DDX6: variants seen among roughly 807,000 people sequenced by gnomAD.
DDX6 encodes the protein DEAD-box helicase 6, also known as probable ATP-dependent RNA helicase DDX6.
DDX6 carries 7 observed loss-of-function variants against 60.6 expected under a neutral mutation model. That is an observed-to-expected ratio of 0.12 (90% CI 0.07 to 0.22). The LOEUF (loss-of-function observed/expected upper bound fraction) is 0.22, where lower values mean the gene tolerates loss of function less well. Among genes scored for constraint, DDX6 ranks in the 10% least tolerant of loss-of-function variants. DDX6 has a pLI of 1.00. For missense variants in DDX6, 270 were observed against 589.9 expected (o/e 0.46, Z 5.62); for synonymous variants, 207 against 201.0 (o/e 1.03, Z -0.25).
At position 118,749,934 on chromosome 11, in the gene DDX6, G is replaced by A. The variant is rs1322265553; in HGVS notation, c.*2171C>T. The A allele has an allele frequency of 2.0e-5, 3 of 152,598 alleles. No individual in the cohort carries two copies. Among genetic ancestry groups the A allele is most frequent in the Non-Finnish European group, 4.4e-5 (3 of 68,044 alleles). The allele number at this position is 152,598 out of a possible 1,614,324, so 9.5% of individuals were successfully genotyped here. A position where few individuals can be genotyped will look rare whatever the true frequency, so the allele number is the denominator to read the frequency against. On this transcript the variant is annotated 3_prime_UTR_variant, in exon 14 of 14. Transcript: ENST00000534980. Reference sequence around the variant, plus strand: ...TTCTTTTTTGGGTTTGTACCGTGCAGTTCTTGCTACAGTTGTTAAGGAGTT... The same window carrying A: ...TTCTTTTTTGGGTTTGTACCGTGCAATTCTTGCTACAGTTGTTAAGGAGTT...
chr11:118,752,795 AAAG>A (rs1334292320), intron 13 of DDX6, among the ~76,000 whole-genome samples: 3 of 152,038 alleles, frequency 2.0e-5, no homozygotes. Context: ...ATAGTCACCA[AAAG>A]ATGATAGAGG....
At chr11:118,761,292 A>G (rs890260820) in intron 7 of DDX6, among the ~76,000 whole-genome samples, 16 of 152,136 alleles carry the variant, frequency 1.1e-4, no homozygotes, top group Non-Finnish European at 1.9e-4. Flanking sequence ...TGTTTACATA[A>G]TGTAGTAACT....
chr11:118,784,188 T>C (rs1565579629), intron 2 of DDX6, among the ~76,000 whole-genome samples: 1 of 152,048 alleles, frequency 6.6e-6, no homozygotes, highest in Non-Finnish European at 1.5e-5. Flanking sequence ...GTAGTATTCA[T>C]TTCTATACCA....
chr11:118,776,063 G>A (rs1360731707), intron 4 of DDX6, among the ~76,000 whole-genome samples: 1 of 152,184 alleles, frequency 6.6e-6, no homozygotes, highest in African/African-American at 2.4e-5. Flanking sequence ...AGTATCACGT[G>A]AGCCCAGGAG....
chr11:118,752,528 T>C (rs1444919276), intron 13 of DDX6, among the ~76,000 whole-genome samples: 1 of 152,084 alleles, frequency 6.6e-6, no homozygotes, highest in Non-Finnish European at 1.5e-5. Context: ...ATCTCAGCAC[T>C]CTGGGAGGCT....
intron 5 of DDX6, among the ~76,000 whole-genome samples, chr11:118,767,330 C>T (rs1861386999): frequency 6.6e-6 from 1 of 152,140 alleles, no homozygotes. Flanking sequence ...CTCCTGCTAC[C>T]TAGGCTCTAT....
chr11:118,756,016 T>TCCCCC (rs58124280), intron 11 of DDX6, among the ~76,000 whole-genome samples: 1 of 81,406 alleles, frequency 1.2e-5, no homozygotes, highest in African/African-American at 5.4e-5. Flanking sequence ...TCCATCCCCC[T>TCCCCC]CCCCCCCCCC....
chr11:118,781,033 A>G, intron 3 of DDX6, 88 bp downstream of exon 3: 1 of 885,260 alleles, frequency 1.1e-6, no homozygotes, highest in South Asian at 1.5e-5. Context: ...ATGGTCCTGA[A>G]ACCAATTCCC....
intron 4 of DDX6, 121 bp from the exon 5 acceptor site, chr11:118,768,473 T>C: frequency 1.0e-6 from 1 of 1,000,210 alleles, no homozygotes; most frequent in Non-Finnish European, 1.5e-6. Context: ...GTATCCTACA[T>C]TTGAATTCTA....
At chr11:118,757,986 G>GC (rs1382368932) in intron 9 of DDX6, among the ~76,000 whole-genome samples, 1 of 152,130 alleles carries the variant, frequency 6.6e-6, no homozygotes, top group Non-Finnish European at 1.5e-5. Context: ...TGTGAAATCA[G>GC]CAACAAAAAC....
chr11:118,752,542 G>T (rs143563264), intron 13 of DDX6, among the ~76,000 whole-genome samples: 1,866 of 152,234 alleles, frequency 0.012, 44 homozygotes, highest in African/African-American at 0.042. Context: ...GGAGGCTGAG[G>T]TGGGCGGATC....
At chr11:118,764,195 C>G (rs1196032077) in intron 6 of DDX6, among the ~76,000 whole-genome samples, 1 of 152,118 alleles carries the variant, frequency 6.6e-6, no homozygotes, top group African/African-American at 2.4e-5. Flanking sequence ...GAATGTATCA[C>G]ATAATTATCA....
intron 7 of DDX6, among the ~76,000 whole-genome samples, chr11:118,760,681 C>A (rs577486025): frequency 2.6e-5 from 4 of 151,804 alleles, no homozygotes; most frequent in Non-Finnish European, 5.9e-5. Context: ...ATTAGCTGGA[C>A]GTGGTGGTAC....
At chr11:118,765,661 C>T (rs782205012) in intron 5 of DDX6, among the ~76,000 whole-genome samples, 2 of 152,008 alleles carry the variant, frequency 1.3e-5, no homozygotes, top group Non-Finnish European at 2.9e-5. Flanking sequence ...TGTAGTCCCA[C>T]CTACTCAGGA....
intron 2 of DDX6, among the ~76,000 whole-genome samples, chr11:118,782,235 T>C (rs1308520207): frequency 6.6e-6 from 1 of 152,188 alleles, no homozygotes; most frequent in Non-Finnish European, 1.5e-5. Context: ...TATAATGCAC[T>C]CAGCACAGTG....
intron 7 of DDX6, among the ~76,000 whole-genome samples, chr11:118,762,871 TGAG>T (rs1256540691): frequency 3.9e-5 from 6 of 152,104 alleles, no homozygotes; most frequent in African/African-American, 1.4e-4. Flanking sequence ...ATGCACAAAA[TGAG>T]AAGAGACAAT....
chr11:118,785,953 AATGGTTAAAT>A, intron 2 of DDX6, 89 bp downstream of exon 2: 1 of 1,133,302 alleles, frequency 8.8e-7, no homozygotes, highest in African/African-American at 1.6e-5. Context: ...TTGGAATCAA[AATGGTTAAAT>A]TAAGGCATAA....
intron 7 of DDX6, among the ~76,000 whole-genome samples, chr11:118,762,881 CAA>C (rs1861222294): frequency 6.6e-6 from 1 of 151,982 alleles, no homozygotes. Context: ...TGAGAAGAGA[CAA>C]TATATATTAT....
chr11:118,785,035 T>C (rs1369265995), intron 2 of DDX6, among the ~76,000 whole-genome samples: 1 of 152,210 alleles, frequency 6.6e-6, no homozygotes, highest in Non-Finnish European at 1.5e-5. Context: ...CCCAATGTGC[T>C]TGGACTACAG....
Sources: allele counts gnomAD v4.1 joint callset (sites outside exome capture counted in the v4.1 genomes callset), GRCh38; gene constraint gnomAD v4.1.1; transcripts MANE v1.5; gene names NCBI Gene and HGNC (gene_info 2026-07-23, HGNC 2026-07-21).